The following ATRX variants were observed in gnomAD, a reference collection of about 807,000 sequenced individuals.
ATRX encodes chromatin remodeler ATRX.
Under a neutral mutation model 172.6 loss-of-function variants are expected in ATRX, and 12 were observed. That is an observed-to-expected ratio of 0.07 (90% CI 0.04 to 0.11). The LOEUF (loss-of-function observed/expected upper bound fraction) is 0.11, where lower values mean the gene tolerates loss of function less well. ATRX is among the 10% of genes least tolerant of loss of function. The pLI is 1.00. For missense variants in ATRX, 1,368 were observed against 1,767.4 expected, an observed-to-expected ratio of 0.77 and a Z score of 4.05; for synonymous variants, 674 against 594.7, an observed-to-expected ratio of 1.13 and a Z score of -1.94.
At chrX:77,743,618 T>C (rs2074961577) in intron 1 of ATRX, among the ~76,000 whole-genome samples, 1 of 111,490 alleles carries the variant, frequency 9.0e-6, no homozygotes, top group Non-Finnish European at 1.9e-5. Flanking sequence ...AGTACCACCT[T>C]ACTGGCCTGG....
chrX:77,769,376 G>A (rs891905695), intron 1 of ATRX, among the ~76,000 whole-genome samples: 22 of 107,402 alleles, frequency 2.0e-4, no homozygotes, highest in African/African-American at 7.2e-4. Flanking sequence ...TCCACCTCCC[G>A]AGTCCTGGTT....
chrX:77,757,956 C>T (rs1257489748), intron 1 of ATRX, among the ~76,000 whole-genome samples: 1 of 110,690 alleles, frequency 9.0e-6, no homozygotes, highest in Non-Finnish European at 1.9e-5. Context: ...AACATGGGAA[C>T]AGTGACACCT....
intron 30 of ATRX, among the ~76,000 whole-genome samples, chrX:77,552,726 A>T (rs782242629): frequency 9.0e-6 from 1 of 111,482 alleles, no homozygotes; most frequent in Admixed American, 9.6e-5. Context: ...CAGGTGGCTA[A>T]TTAAGTCTGA....
chrX:77,513,463 C>T (rs953234313), intron 34 of ATRX, among the ~76,000 whole-genome samples: 14 of 108,898 alleles, frequency 1.3e-4, no homozygotes, highest in Non-Finnish European at 1.9e-4. Context: ...TGAGAGTGGG[C>T]GGAGGGAAGA....
At chrX:77,769,270 G>GT (rs1176053611) in intron 1 of ATRX, among the ~76,000 whole-genome samples, 3 of 107,217 alleles carry the variant, frequency 2.8e-5, no homozygotes, top group Non-Finnish European at 5.8e-5. Flanking sequence ...CCCACAAACT[G>GT]TTTTTTGTTT....
At chrX:77,766,795 C>T (rs1469315822) in intron 1 of ATRX, among the ~76,000 whole-genome samples, 2 of 110,135 alleles carry the variant, frequency 1.8e-5, no homozygotes, top group African/African-American at 3.3e-5. Flanking sequence ...CAGGCAGAGA[C>T]GCTCCTCACT....
At chrX:77,605,164 C>T (rs997822956) in intron 22 of ATRX, among the ~76,000 whole-genome samples, 5 of 112,414 alleles carry the variant, frequency 4.4e-5, no homozygotes, top group African/African-American at 6.5e-5. Flanking sequence ...AGATGGCTCA[C>T]GTCTGTAATC....
intron 27 of ATRX, among the ~76,000 whole-genome samples, chrX:77,589,019 G>GAAAT (rs2066138409): frequency 8.9e-6 from 1 of 112,386 alleles, no homozygotes; most frequent in Non-Finnish European, 1.9e-5. Context: ...GTACATTGCT[G>GAAAT]GTAGGACTGA....
chrX:77,735,182 C>A (rs1262306290), intron 1 of ATRX, among the ~76,000 whole-genome samples: 2 of 112,299 alleles, frequency 1.8e-5, no homozygotes, highest in African/African-American at 6.5e-5. Context: ...AGACTCCAGG[C>A]CGGGTGCAGT....
At chrX:77,635,524 T>A (rs1207819812) in intron 16 of ATRX, among the ~76,000 whole-genome samples, 1 of 111,658 alleles carries the variant, frequency 9.0e-6, no homozygotes, top group African/African-American at 3.3e-5. Flanking sequence ...CACTCAAAAC[T>A]GACTTACTGA....
At chrX:77,602,499 A>G (rs377492083) in intron 22 of ATRX, among the ~76,000 whole-genome samples, 135 of 109,087 alleles carry the variant, frequency 1.2e-3, no homozygotes, top group African/African-American at 3.0e-3. Flanking sequence ...TAGAAGGTTG[A>G]ATTATAAATT....
chrX:77,536,859 G>T (rs781863343), intron 30 of ATRX, among the ~76,000 whole-genome samples: 1 of 110,983 alleles, frequency 9.0e-6, no homozygotes, highest in Non-Finnish European at 1.9e-5. Context: ...ACACACGCAC[G>T]TGCACACACA....
chrX:77,763,655 G>A (rs1050834886), intron 1 of ATRX, among the ~76,000 whole-genome samples: 22 of 105,830 alleles, frequency 2.1e-4, no homozygotes, highest in Non-Finnish European at 4.1e-4. Flanking sequence ...ATTTTTAGTA[G>A]AGACGGGGTT....
chrX:77,529,942 C>T (rs1237409165), intron 30 of ATRX, among the ~76,000 whole-genome samples: 1 of 112,082 alleles, frequency 8.9e-6, no homozygotes, highest in Admixed American at 9.5e-5. Flanking sequence ...AGCTCTGCAT[C>T]ATGTGGACCT....
At chrX:77,728,256 GA>G (rs1250746796) in intron 1 of ATRX, among the ~76,000 whole-genome samples, 1 of 109,336 alleles carries the variant, frequency 9.1e-6, no homozygotes, top group African/African-American at 3.3e-5. Flanking sequence ...TTCGCAGAAG[GA>G]TTAGCTGAAA....
At chrX:77,667,026 A>G (rs1267647810) in intron 10 of ATRX, among the ~76,000 whole-genome samples, 5 of 111,022 alleles carry the variant, frequency 4.5e-5, no homozygotes, top group Non-Finnish European at 9.4e-5. Context: ...GATAGAAAAT[A>G]TTTATTAATA....
At chrX:77,712,400 G>A (rs890543273) in intron 2 of ATRX, among the ~76,000 whole-genome samples, 12 of 112,488 alleles carry the variant, frequency 1.1e-4, no homozygotes, top group African/African-American at 2.3e-4. Flanking sequence ...CTCCGACAAC[G>A]TAACATCATT....
At chrX:77,525,167 G>A (rs2063343461) in intron 30 of ATRX, among the ~76,000 whole-genome samples, 1 of 112,294 alleles carries the variant, frequency 8.9e-6, no homozygotes, top group Admixed American at 9.5e-5. Context: ...ACTTTGAAAT[G>A]TTAACTAAAT....
At chrX:77,630,712 C>A (rs921456762) in intron 19 of ATRX, among the ~76,000 whole-genome samples, 1 of 111,626 alleles carries the variant, frequency 9.0e-6, no homozygotes, top group Non-Finnish European at 1.9e-5. Flanking sequence ...GGACTCCCAC[C>A]TCATGCCATA....
Sources: gnomAD v4.1 joint callset for allele counts (sites outside exome capture counted in the v4.1 genomes callset) on GRCh38, gnomAD v4.1.1 for gene constraint, MANE v1.5 for transcripts, NCBI Gene and HGNC (gene_info 2026-07-23, HGNC 2026-07-21) for gene names.